ANKRD36B: variants seen among roughly 807,000 people sequenced by gnomAD.
ANKRD36B encodes ankyrin repeat domain 36B, also known as ankyrin repeat domain-containing protein 36B.
In ANKRD36B, 37 loss-of-function variants were observed where a neutral mutation model predicts 135.7. That is an observed-to-expected ratio of 0.27 (90% CI 0.21 to 0.36). The LOEUF (loss-of-function observed/expected upper bound fraction) is 0.36. ANKRD36B is among the 10% of genes least tolerant of loss of function. ANKRD36B has a pLI of 1.00. For missense variants in ANKRD36B, 549 were observed against 1,037.1 expected, an observed-to-expected ratio of 0.53 and a Z score of 6.46; for synonymous variants, 179 against 348.1, an observed-to-expected ratio of 0.51 and a Z score of 5.41.
intron 16 of ANKRD36B, among the ~76,000 whole-genome samples, chr2:97,551,799 C>T (rs2080094026): frequency 6.6e-6 from 1 of 151,936 alleles, no homozygotes; most frequent in African/African-American, 2.4e-5. Context: ...AGAGGAGAAA[C>T]TCATACACCT....
At chr2:97,495,867 C>T (rs2077296382) in intron 43 of ANKRD36B, among the ~76,000 whole-genome samples, 1 of 106,134 alleles carries the variant, frequency 9.4e-6, no homozygotes, top group Non-Finnish European at 2.7e-5. Flanking sequence ...GGGTTGAACC[C>T]GACATAAGAC....
At chr2:97,494,299 G>A (rs1472410415) in intron 43 of ANKRD36B, among the ~76,000 whole-genome samples, 5 of 84,940 alleles carry the variant, frequency 5.9e-5, no homozygotes, top group Non-Finnish European at 6.1e-5. Flanking sequence ...TTGGCTCACA[G>A]TTTTGCAGGC....
Position 97,549,002 on chromosome 2 carries a change from T to C in ANKRD36B, c.1477+417A>G, listed in dbSNP as rs539782888. The stretch of plus-strand genomic sequence containing the variant: ...ACACCAGGGGTCTCCTTAGTTCTCC[T>C]ACAGTGTGTACGGGTTATTACAACA... On this transcript the variant is annotated intron_variant, in intron 20 of 43. Transcript: ENST00000359901. 5.3e-5 allele frequency among the ~76,000 whole-genome samples: 8 copies of C among 152,012 alleles called. No individual in the cohort carries two copies. The South Asian group carries it at 1.0e-3, about 20-fold the overall frequency.
At chr2:97,570,094 T>C (rs2081739072) in intron 6 of ANKRD36B, among the ~76,000 whole-genome samples, 1 of 152,194 alleles carries the variant, frequency 6.6e-6, no homozygotes, top group African/African-American at 2.4e-5. Context: ...TAAGAACAGA[T>C]TATAATTACC....
chr2:97,546,610 A>C (rs1404973182), intron 22 of ANKRD36B, among the ~76,000 whole-genome samples: 1 of 151,770 alleles, frequency 6.6e-6, no homozygotes, highest in Non-Finnish European at 1.5e-5. Context: ...TACAAGCATT[A>C]GATATTAATC....
Position 97,524,645 on chromosome 2 carries a change from T to C in ANKRD36B, c.2266-1178A>G, listed in dbSNP as rs2078095661. The C allele has an allele frequency of 2.1e-5, 2 of 96,712 alleles. 1 individual carries two copies. The highest frequency in any genetic ancestry group is 1.8e-4 in the Admixed American group (2 of 10,844). 6.0% of individuals were successfully genotyped at this position (96,712 alleles called of 1,614,324 possible). On this transcript the variant is annotated intron_variant, in intron 35 of 43. Transcript: ENST00000359901. ...ACTTTCCTAACAATCAGGTGAATCA[T>C]TTGTCAAATTAGAGGGTATTTACTT...
At chr2:97,547,864 G>A (rs2079628678) in intron 20 of ANKRD36B, 133 bp from the exon 21 acceptor site, 3 of 1,338,820 alleles carry the variant, frequency 2.2e-6, no homozygotes, top group African/African-American at 1.5e-5. Flanking sequence ...TCTACTTTGT[G>A]TCTGGGGACT....
Position 97,540,220 on chromosome 2 carries a change from T to G in ANKRD36B, c.1895A>C (p.Gln632Pro). The G allele has an allele frequency of 1.0e-6, 1 of 968,046 alleles. No homozygotes were observed. Among genetic ancestry groups the G allele is most frequent in the South Asian group, 1.2e-5 (1 of 84,778 alleles). 60.0% of individuals were successfully genotyped at this position (968,046 alleles called of 1,614,324 possible). A position where few individuals can be genotyped will look rare whatever the true frequency, so the allele number is the denominator to read the frequency against. ...DGQIRGTVSS[Q>P]RRPALKTTGD... ...AATTACCTTCAAGGCTGGTCGTCTC[T>G]GAGAAGACACTGAAAAGCAAAAGGG... The change falls in exon 29 of 44, where the codon CAG (glutamine) becomes CCG (proline). Residue 632 changes from glutamine (Q) to proline (P), a missense_variant. Gln to Pro is a moderately conservative substitution (Grantham distance 76). Transcript: ENST00000359901.
intron 26 of ANKRD36B, among the ~76,000 whole-genome samples, chr2:97,543,098 G>C (rs1294086262): frequency 6.6e-6 from 1 of 152,138 alleles, no homozygotes; most frequent in Admixed American, 6.6e-5. Context: ...TCAACAAAAC[G>C]TGTAAGTCTG....
Position 97,529,252 on chromosome 2 carries a change from C to T in ANKRD36B, c.2265+3059G>A, listed in dbSNP as rs1295646298. Among the ~76,000 whole-genome samples, 17 of 95,270 alleles carry T rather than the reference C, an allele frequency of 1.8e-4. 3 individuals carry two copies. Among genetic ancestry groups the T allele is most frequent in the African/African-American group, 2.8e-4 (9 of 31,726 alleles). The allele number at this position is 95,270 out of a possible 152,430, so 62.5% of individuals were successfully genotyped here. ...TGGGATGCAAGGCTGGTTCAATATACGCAAATCAATAAATGTAATCCAGCT... is the reference window on the plus strand; with the variant it reads ...TGGGATGCAAGGCTGGTTCAATATATGCAAATCAATAAATGTAATCCAGCT... On this transcript the variant is annotated intron_variant, in intron 35 of 43. Coordinates refer to ENST00000359901, the MANE Select transcript of ANKRD36B (RefSeq NM_001393939.1).
At chr2:97,566,041 C>G (rs1244143802) in intron 6 of ANKRD36B, among the ~76,000 whole-genome samples, 1 of 151,786 alleles carries the variant, frequency 6.6e-6, no homozygotes, top group Non-Finnish European at 1.5e-5. Flanking sequence ...AGGCTGGGCA[C>G]AGTGGCTCAT....
At chr2:97,569,149 T>A (rs1384664989) in intron 6 of ANKRD36B, among the ~76,000 whole-genome samples, 2 of 152,122 alleles carry the variant, frequency 1.3e-5, no homozygotes, top group African/African-American at 4.8e-5. Context: ...CATGAAGTCA[T>A]TTTCCTCAAC....
chr2:97,571,195 C>G (rs558797721), intron 6 of ANKRD36B, among the ~76,000 whole-genome samples: 49 of 152,298 alleles, frequency 3.2e-4, no homozygotes, highest in Non-Finnish European at 6.9e-4. Flanking sequence ...AATTGGGGAT[C>G]AGGCCAGGTG....
At chr2:97,552,683 C>G (rs1559171010) in intron 16 of ANKRD36B, among the ~76,000 whole-genome samples, 1 of 151,948 alleles carries the variant, frequency 6.6e-6, no homozygotes, top group African/African-American at 2.4e-5. Flanking sequence ...TTCCCTCCTT[C>G]CTGCCTGACA....
At chr2:97,575,808 T>C (rs552627111) in intron 6 of ANKRD36B, among the ~76,000 whole-genome samples, 6 of 152,230 alleles carry the variant, frequency 3.9e-5, no homozygotes, top group Non-Finnish European at 7.4e-5. Flanking sequence ...ACTAGATTGA[T>C]AGTAGTTCAA....
Position 97,551,329 on chromosome 2 carries a change from A to G in ANKRD36B, c.1335T>C (p.Asn445=). Residue 445 remains asparagine, a synonymous_variant, in exon 18 of 44, where the codon AAT becomes AAC. Transcript: ENST00000359901. ...CTCCATCCTTTTTTTCTCTGGTTAT[A>G]TTCGAAAAAGAATCTTTCTCATCAC... is the stretch of plus-strand genomic sequence containing the variant. ...ATSDEKDSFS[N]ITREKKDGEI... is the part of the protein sequence containing the mutation. 6.3e-7 allele frequency: 1 copy of G among 1,583,468 alleles called. No individual in the cohort carries two copies. The highest frequency in any genetic ancestry group is 8.6e-7 in the Non-Finnish European group (1 of 1,167,516).
In ANKRD36B at chr2:97,569,029, A is replaced by C. The variant is rs1372180198; in HGVS notation, c.763+7350T>G. Among the ~76,000 whole-genome samples, 20 of 151,892 alleles carry C rather than the reference A, an allele frequency of 1.3e-4. 1 individual carries two copies. The highest frequency in any genetic ancestry group is 4.4e-5 in the Non-Finnish European group (3 of 67,964). ...CAAGGTAAATAGGAAAGACTTTCTG[A>C]CTCCAGTTTTATAAAGTACAACCTC... On this transcript the variant is annotated intron_variant, in intron 6 of 43. Coordinates refer to ENST00000359901, the MANE Select transcript of ANKRD36B (RefSeq NM_001393939.1).
intron 12 of ANKRD36B, 133 bp downstream of exon 12, chr2:97,556,804 C>T: frequency 7.1e-7 from 1 of 1,408,524 alleles, no homozygotes; most frequent in Admixed American, 2.4e-5. Flanking sequence ...TGACAACTTA[C>T]TAGAAATGCA....
chr2:97,564,007 G>C (rs1376511305), intron 6 of ANKRD36B, among the ~76,000 whole-genome samples: 1 of 150,598 alleles, frequency 6.6e-6, no homozygotes, highest in Admixed American at 6.6e-5. Context: ...ATATATCACT[G>C]ATTTTACAAA....
Sources: gnomAD v4.1 joint callset for allele counts (sites outside exome capture counted in the v4.1 genomes callset) on GRCh38, gnomAD v4.1.1 for gene constraint, MANE v1.5 for transcripts, NCBI Gene and HGNC (gene_info 2026-07-23, HGNC 2026-07-21) for gene names.